GUCY2F: variants seen among roughly 807,000 people sequenced by gnomAD.
The protein encoded by GUCY2F is guanylate cyclase 2F, retinal.
GUCY2F carries 61 observed loss-of-function variants against 73.1 expected under a neutral mutation model. The ratio of observed to expected loss-of-function variants is 0.83; its 90% CI spans 0.68 to 1.03. The LOEUF (loss-of-function observed/expected upper bound fraction) is 1.03. Ranked by LOEUF, GUCY2F falls within the 50% of genes least tolerant of loss-of-function variation. GUCY2F has a pLI of 0.00. For synonymous variants in GUCY2F, 331 were observed against 307.8 expected (o/e 1.08, Z -0.79); for missense variants, 912 against 854.3 (o/e 1.07, Z -0.84).
At chrX:109,378,514 T>A (rs1354843599) in intron 17 of GUCY2F, among the ~76,000 whole-genome samples, 2 of 111,673 alleles carry the variant, frequency 1.8e-5, no homozygotes, top group African/African-American at 3.3e-5. Flanking sequence ...AGACATTAAG[T>A]CAGTGATGGG....
chrX:109,478,450 C>T (rs780498911), intron 1 of GUCY2F, among the ~76,000 whole-genome samples: 1 of 112,468 alleles, frequency 8.9e-6, no homozygotes, highest in South Asian at 3.7e-4. Context: ...CTTTTGACCA[C>T]TAGGAATGTG....
chrX:109,381,055 A>C (rs928158497), intron 17 of GUCY2F, among the ~76,000 whole-genome samples: 1 of 111,999 alleles, frequency 8.9e-6, no homozygotes, highest in Admixed American at 9.5e-5. Context: ...TGACTCATCC[A>C]ACCTCCTGGA....
chrX:109,440,143 G>A (rs1457335495), intron 7 of GUCY2F, among the ~76,000 whole-genome samples: 2 of 112,004 alleles, frequency 1.8e-5, no homozygotes, highest in Non-Finnish European at 3.8e-5. Context: ...AGGATGGGAT[G>A]TCCAAGATCA....
chrX:109,393,052 TA>T lies in GUCY2F; in HGVS notation c.2427del (p.Phe809LeufsTer30). Reference protein sequence around the residue: ...RPTFDEIFNQFKTFNKGKKTN... With the variant: ...RPTFDEIFNQXKTFNKGKKTN... Reference sequence around the variant, plus strand: ...GTCTTCTTCCCTTTATTAAAAGTTTTAAACTGGAAGTAAAATAGAAAAGGGA... The same window carrying T: ...GTCTTCTTCCCTTTATTAAAAGTTTTAACTGGAAGTAAAATAGAAAAGGGA... On this transcript the variant is annotated frameshift_variant and splice_region_variant, in exon 13 of 20. Coordinates refer to ENST00000218006, the MANE Select transcript of GUCY2F (RefSeq NM_001522.3). LOFTEE classifies it high-confidence loss of function. 2 of 1,044,964 alleles carry T rather than the reference TA, an allele frequency of 1.9e-6. No homozygotes were observed. The highest frequency in any genetic ancestry group is 2.7e-6 in the Non-Finnish European group (2 of 749,536). The allele number at this position is 1,044,964 out of a possible 1,213,427, so 86.1% of individuals were successfully genotyped here. A position where few individuals can be genotyped will look rare whatever the true frequency, so the allele number is the denominator to read the frequency against.
At chrX:109,392,149 T>G (rs1277721165) in intron 13 of GUCY2F, 46 bp from the exon 14 acceptor site, 2 of 932,910 alleles carry the variant, frequency 2.1e-6, no homozygotes, top group African/African-American at 3.9e-5. Context: ...TGGTCCCCCT[T>G]CATGCCACAT....
At position 109,479,848 on chromosome X, in the gene GUCY2F, C is replaced by G. The variant is rs766848025; in HGVS notation, c.-86+2018G>C. 1.4e-4 allele frequency among the ~76,000 whole-genome samples: 15 copies of G among 110,559 alleles called. No individual in the cohort carries two copies. In the Admixed American group the frequency reaches 1.4e-3, roughly 11 times the overall value. ...CTTATTATCATTAATAACAAACACA[C>G]GTTGAGAAGTTGGTCTGTGCTAAGA... On this transcript the variant is annotated intron_variant, in intron 1 of 19. Transcript: ENST00000218006.
chrX:109,391,864 A>T (rs1448173028), intron 14 of GUCY2F, 47 bp downstream of exon 14: 1 of 805,508 alleles, frequency 1.2e-6, no homozygotes, highest in East Asian at 3.3e-5. Context: ...GATGGGCCTC[A>T]TATAAAAATT....
rs1930675434 is a variant in GUCY2F at position 109,395,221 on chromosome X, G to A, written c.2424+120C>T. 6 of 557,124 alleles carry A rather than the reference G, an allele frequency of 1.1e-5. No individual in the cohort carries two copies. The East Asian group carries it at 2.0e-4, about 19-fold the overall frequency. The allele number at this position is 557,124 out of a possible 1,213,427, so 45.9% of individuals were successfully genotyped here. A position where few individuals can be genotyped will look rare whatever the true frequency, so the allele number is the denominator to read the frequency against. On this transcript the variant is annotated intron_variant, in intron 12 of 19. Coordinates refer to ENST00000218006, the MANE Select transcript of GUCY2F (RefSeq NM_001522.3). ...CACTCCCAGGCTGTTCCTCCAAGAG[G>A]AGTGCCCTTACCCCTTGCAAGAGGT...
chrX:109,469,567 G>A (rs1259289628), intron 2 of GUCY2F, among the ~76,000 whole-genome samples: 1 of 109,858 alleles, frequency 9.1e-6, no homozygotes, highest in East Asian at 2.9e-4. Context: ...TACTGTCTTT[G>A]CTCTTTATTG....
At chrX:109,455,770 A>G (rs1186351120) in intron 3 of GUCY2F, among the ~76,000 whole-genome samples, 1 of 111,050 alleles carries the variant, frequency 9.0e-6, no homozygotes, top group Non-Finnish European at 1.9e-5. Context: ...CTATGCCATA[A>G]CTCTCAGATT....
chrX:109,459,270 G>A (rs2300117), intron 3 of GUCY2F, among the ~76,000 whole-genome samples: 4,654 of 111,259 alleles, frequency 0.042, 199 homozygotes, highest in African/African-American at 0.13. Flanking sequence ...AGCAAAGTGG[G>A]GAACAGTCAA....
At chrX:109,446,302 A>G (rs1292466537) in intron 6 of GUCY2F, among the ~76,000 whole-genome samples, 2 of 111,952 alleles carry the variant, frequency 1.8e-5, no homozygotes, top group African/African-American at 6.5e-5. Flanking sequence ...ACCAAAAAAG[A>G]CCCTGCATTG....
At chrX:109,379,421 G>T (rs780529551) in intron 17 of GUCY2F, among the ~76,000 whole-genome samples, 1 of 112,460 alleles carries the variant, frequency 8.9e-6, no homozygotes, top group Non-Finnish European at 1.9e-5. Flanking sequence ...TGATGGCTAT[G>T]TTAACTAGTT....
intron 9 of GUCY2F, among the ~76,000 whole-genome samples, chrX:109,408,037 G>T (rs529459992): frequency 5.4e-5 from 6 of 111,935 alleles, no homozygotes; most frequent in African/African-American, 1.9e-4. Context: ...CCGACAGCTT[G>T]CACTGTGCAC....
chrX:109,438,268 A>G lies in GUCY2F; in HGVS notation c.1701+3083T>C. 1.8e-5 allele frequency among the ~76,000 whole-genome samples: 2 copies of G among 112,159 alleles called. 1 individual carries two copies. The highest frequency in any genetic ancestry group is 3.8e-5 in the Non-Finnish European group (2 of 53,213). On this transcript the variant is annotated intron_variant, in intron 7 of 19. Coordinates refer to ENST00000218006, the MANE Select transcript of GUCY2F (RefSeq NM_001522.3). The stretch of plus-strand genomic sequence containing the variant: ...ATCCTCTCCCAAGAGGAGGAACACT[A>G]TGTCTTCGCATGGCAGAATACAGAA...
intron 3 of GUCY2F, among the ~76,000 whole-genome samples, chrX:109,458,653 G>T (rs1932306723): frequency 9.1e-6 from 1 of 110,408 alleles, no homozygotes; most frequent in Non-Finnish European, 1.9e-5. Flanking sequence ...TCCTTCATTG[G>T]GGGAAAGATC....
Position 109,475,541 on chromosome X carries a change from G to T in GUCY2F, c.396C>A (p.Cys132Ter), listed in dbSNP as rs892123523. The T allele has an allele frequency of 1.7e-6, 2 of 1,210,623 alleles. No individual in the cohort carries two copies. Among genetic ancestry groups the T allele is most frequent in the South Asian group, 1.8e-5 (1 of 56,928 alleles). The change falls in exon 2 of 20, where the codon TGC becomes TGA. Residue 132 changes from cysteine (C) to a stop codon, truncating the protein, a stop_gained. Transcript: ENST00000218006. LOFTEE classifies it high-confidence loss of function. The part of the protein sequence containing the change: ...GFIGPTNPGY[C>*]EAASLLGNSW... ...TGTTTCCCAGGAGCGAGGCTGCCTC[G>T]CAGTAGCCAGGGTTGGTAGGTCCAA...
rs148663380 is a variant in GUCY2F, at chrX:109,392,077, C to T, written c.2615G>A (p.Gly872Asp). 3.7e-5 allele frequency: 44 copies of T among 1,203,095 alleles called. No individual in the cohort carries two copies. Among genetic ancestry groups the T allele is most frequent in the Non-Finnish European group, 4.9e-5 (44 of 891,944 alleles). ...PPSVAESLKK[G>D]CTVEPEGFDL... ...AAAGCCCTCAGGTTCAACTGTGCAG[C>T]CCTTTTTGAGAGATTCAGCAACTGA... Residue 872 changes from glycine (G) to aspartate (D), a missense_variant, in exon 14 of 20, where the codon GGC becomes GAC. Physicochemically the swap from Gly to Asp is moderately conservative, Grantham distance 94. Transcript: ENST00000218006.
intron 16 of GUCY2F, among the ~76,000 whole-genome samples, chrX:109,382,636 C>G (rs1259020396): frequency 8.9e-6 from 1 of 112,150 alleles, no homozygotes; most frequent in African/African-American, 3.2e-5. Flanking sequence ...ATGTCTTTTC[C>G]ATATGCATTC....
Sources: allele counts gnomAD v4.1 joint callset (sites outside exome capture counted in the v4.1 genomes callset), GRCh38; gene constraint gnomAD v4.1.1; transcripts MANE v1.5; gene names NCBI Gene and HGNC (gene_info 2026-07-23, HGNC 2026-07-21).